FARS2: variants seen among roughly 807,000 people sequenced by gnomAD.
The protein encoded by FARS2 is phenylalanyl-tRNA synthetase 2, mitochondrial.
In FARS2, 40 loss-of-function variants were observed where a neutral mutation model predicts 46.4. That is an observed-to-expected ratio of 0.86 (90% CI 0.67 to 1.12). The LOEUF (loss-of-function observed/expected upper bound fraction) is 1.12. Ranked by LOEUF, FARS2 falls within the 50% of genes most tolerant of loss-of-function variation. The pLI, the probability that FARS2 is intolerant of heterozygous loss-of-function variation, is 0.00. For synonymous variants in FARS2, 234 were observed against 214.9 expected (o/e 1.09, Z -0.78); for missense variants, 513 against 567.9 (o/e 0.90, Z 0.98).
At position 5,765,122 on chromosome 6, in the gene FARS2, G is replaced by A. The variant is rs1004306559; in HGVS notation, c.1218-6169G>A. ...TGGTCTAGGGGCTCTGGTAGGAGGC[G>A]GCATTGAAATATGCCATCCCCTCCC... On this transcript the variant is annotated intron_variant, in intron 6 of 6. Transcript: ENST00000274680. The surrounding 1 kb of genome is among the most constrained non-coding windows in gnomAD (Gnocchi z 4.0). Among the ~76,000 whole-genome samples the A allele has an allele frequency of 6.6e-5, 10 of 152,162 alleles. No individual in the cohort carries two copies. The highest frequency in any genetic ancestry group is 7.4e-5 in the Non-Finnish European group (5 of 68,022).
intron 6 of FARS2, among the ~76,000 whole-genome samples, chr6:5,698,336 G>T (rs1281178957): frequency 6.6e-6 from 1 of 152,124 alleles, no homozygotes; most frequent in Non-Finnish European, 1.5e-5. Context: ...GAGCAAGTGA[G>T]AGAGAGTAGG....
intron 4 of FARS2, among the ~76,000 whole-genome samples, chr6:5,521,302 A>G (rs1164839218): frequency 6.6e-6 from 1 of 151,970 alleles, no homozygotes; most frequent in Non-Finnish European, 1.5e-5. Context: ...TATTCAGAAT[A>G]CCAGTTGGCA....
chr6:5,529,960 G>A (rs1176996119), intron 4 of FARS2, among the ~76,000 whole-genome samples: 1 of 152,334 alleles, frequency 6.6e-6, no homozygotes, highest in East Asian at 1.9e-4. Flanking sequence ...AGACATGTGA[G>A]TTCCGGCAGG....
chr6:5,481,117 CCT>C (rs1445645775), intron 4 of FARS2, among the ~76,000 whole-genome samples: 2 of 152,310 alleles, frequency 1.3e-5, no homozygotes, highest in African/African-American at 2.4e-5. Flanking sequence ...CTTTCAACTC[CCT>C]GTCTCTCCCC....
chr6:5,530,989 T>C (rs944266713), intron 4 of FARS2, among the ~76,000 whole-genome samples: 1 of 151,384 alleles, frequency 6.6e-6, no homozygotes, highest in Non-Finnish European at 1.5e-5. Flanking sequence ...AATACAGGGC[T>C]GCTGATCTCC....
At chr6:5,395,849 C>A (rs951130824) in intron 2 of FARS2, among the ~76,000 whole-genome samples, 22 of 152,060 alleles carry the variant, frequency 1.4e-4, no homozygotes, top group African/African-American at 5.1e-4. Context: ...TGTAACCTTG[C>A]TTATTGAGGA....
chr6:5,461,284 C>T (rs1765227697), intron 4 of FARS2, among the ~76,000 whole-genome samples: 2 of 152,164 alleles, frequency 1.3e-5, no homozygotes, highest in African/African-American at 4.8e-5. Context: ...AGGTGATCCA[C>T]CCACCTTGGC....
chr6:5,355,374 G>GTTT (rs796768184), intron 1 of FARS2, among the ~76,000 whole-genome samples: 3 of 131,680 alleles, frequency 2.3e-5, no homozygotes, highest in South Asian at 2.3e-4. Context: ...TTTCCTTTTT[G>GTTT]TTTTTTTTTT....
chr6:5,372,220 G>A (rs1193879957), intron 2 of FARS2, among the ~76,000 whole-genome samples: 1 of 152,074 alleles, frequency 6.6e-6, no homozygotes, highest in Non-Finnish European at 1.5e-5. Flanking sequence ...AGTGACCTTG[G>A]TCAGAAACCA....
rs1461417911 is a variant in FARS2, at chr6:5,545,346, A to T, written c.1065+6A>T. The T allele has an allele frequency of 6.2e-7, 1 of 1,612,430 alleles. No homozygotes were observed. The highest frequency in any genetic ancestry group is 8.5e-7 in the Non-Finnish European group (1 of 1,178,782). ...ATCAGAAGGTGAAGTTTCAGGTAAG[A>T]TGACTTGCAAGAACTGAATAGATAA... On this transcript the variant is annotated splice_donor_region_variant and intron_variant, in intron 5 of 6. Transcript: ENST00000274680.
At position 5,737,438 on chromosome 6, in the gene FARS2, G is replaced by A. The variant is rs547633171; in HGVS notation, c.1218-33853G>A. Among the ~76,000 whole-genome samples, 280 of 152,340 alleles carry A rather than the reference G, an allele frequency of 1.8e-3. 1 individual carries two copies. Among genetic ancestry groups the A allele is most frequent in the African/African-American group, 6.3e-3 (260 of 41,582 alleles). The stretch of plus-strand genomic sequence containing the variant: ...CCCAGCTACTCAAGAGGCTAAGGCA[G>A]AAGAATTGCTTGAACCCAGGAGGCG... On this transcript the variant is annotated intron_variant, in intron 6 of 6. Transcript: ENST00000274680.
At chr6:5,642,326 A>T (rs1416908285) in intron 6 of FARS2, among the ~76,000 whole-genome samples, 1 of 152,198 alleles carries the variant, frequency 6.6e-6, no homozygotes, top group African/African-American at 2.4e-5. Context: ...GATCCAGGAC[A>T]ATCCATGGGA....
rs1181937759 is a variant in FARS2, at chr6:5,764,790, G to T, written c.1218-6501G>T. ...TTTATTTTGAGTGCAGAGCCTGTTT[G>T]GTTGCCAGGGTAAACCAAGTGGTTG... On this transcript the variant is annotated intron_variant, in intron 6 of 6. Coordinates refer to ENST00000274680, the MANE Select transcript of FARS2 (RefSeq NM_006567.5). The surrounding 1 kb of genome is among the most constrained non-coding windows in gnomAD (Gnocchi z 4.1). Among the ~76,000 whole-genome samples, 1 of 152,194 alleles carries T rather than the reference G, an allele frequency of 6.6e-6. No individual in the cohort carries two copies. Among genetic ancestry groups the T allele is most frequent in the East Asian group, 1.9e-4 (1 of 5,194 alleles).
At chr6:5,601,524 C>CAAAAAAA (rs70975920) in intron 5 of FARS2, among the ~76,000 whole-genome samples, 1 of 92,136 alleles carries the variant, frequency 1.1e-5, no homozygotes, top group Non-Finnish European at 2.0e-5. Context: ...AACTCCATCA[C>CAAAAAAA]AAAAAAAAAA....
chr6:5,468,353 T>TAAAAA (rs531163302), intron 4 of FARS2, among the ~76,000 whole-genome samples: 1 of 103,264 alleles, frequency 9.7e-6, no homozygotes, highest in African/African-American at 3.7e-5. Flanking sequence ...CTGGTAAAAG[T>TAAAAA]AAAAAAAAAA....
chr6:5,294,499 C>G (rs1055934313), intron 1 of FARS2, among the ~76,000 whole-genome samples: 20 of 152,172 alleles, frequency 1.3e-4, no homozygotes, highest in Non-Finnish European at 2.9e-4. Context: ...AGTTCTGACA[C>G]TCTCTACCCA....
intron 3 of FARS2, among the ~76,000 whole-genome samples, chr6:5,428,025 C>T (rs1762946096): frequency 6.6e-6 from 1 of 152,154 alleles, no homozygotes; most frequent in Admixed American, 6.5e-5. Flanking sequence ...GTGCTGACGC[C>T]ATCAGCACCA....
At chr6:5,593,318 G>A (rs1249108715) in intron 5 of FARS2, among the ~76,000 whole-genome samples, 2 of 150,326 alleles carry the variant, frequency 1.3e-5, no homozygotes, top group South Asian at 2.1e-4. Context: ...CTCTGCTGGT[G>A]CCTTTCCAAA....
intron 1 of FARS2, among the ~76,000 whole-genome samples, chr6:5,297,390 G>C (rs1037459331): frequency 2.6e-5 from 4 of 152,224 alleles, no homozygotes; most frequent in Admixed American, 6.5e-5. Context: ...GCTCACGCCT[G>C]TAATCCCAGC....
Sources: allele counts gnomAD v4.1 joint callset (sites outside exome capture counted in the v4.1 genomes callset), GRCh38; gene constraint gnomAD v4.1.1; non-coding constraint Gnocchi (gnomAD v3.1); transcripts MANE v1.5; gene names NCBI Gene and HGNC (gene_info 2026-07-23, HGNC 2026-07-21).